Variants in MMEL1 observed in about 807,000 individuals in gnomAD.
The protein encoded by MMEL1 is membrane metalloendopeptidase like 1.
A neutral mutation model predicts 117.1 loss-of-function variants in MMEL1; 98 were observed. The ratio of observed to expected loss-of-function variants is 0.84; its 90% CI spans 0.71 to 0.99. The LOEUF is 0.99. Among genes scored for constraint, MMEL1 ranks in the 50% least tolerant of loss-of-function variants. MMEL1 has a pLI of 0.00. For synonymous variants in MMEL1, 390 were observed against 415.1 expected (o/e 0.94, Z 0.74); for missense variants, 1,014 against 1,049.1 (o/e 0.97, Z 0.46).
chr1:2,601,641 G>A (rs1324037645), intron 11 of MMEL1, among the ~76,000 whole-genome samples: 1 of 152,212 alleles, frequency 6.6e-6, no homozygotes, highest in African/African-American at 2.4e-5. Context: ...GCTGCCCAGT[G>A]GGGAGAACAT....
chr1:2,608,576 C>A (rs1645068866), intron 6 of MMEL1, among the ~76,000 whole-genome samples: 1 of 151,892 alleles, frequency 6.6e-6, no homozygotes, highest in African/African-American at 2.4e-5. Flanking sequence ...CACAAGTACA[C>A]ACAGCACATA....
rs1209158137 is a variant in MMEL1 at position 2,603,884 on chromosome 1, C to T, written c.1041G>A (p.Lys347=). Residue 347 remains lysine, a splice_region_variant and synonymous_variant, in exon 11 of 24, where the codon AAG becomes AAA. Transcript: ENST00000378412. The part of the protein sequence containing the change: ...LEELQSQFGL[K]GFNWTLFIQT... ...GGCCTCCTGTGTGGTGTGGCCTCAC[C>T]TTCAGGCCAAACTGGCTTTGCAGCT... 6.2e-7 allele frequency: 1 copy of T among 1,613,370 alleles called. No individual in the cohort carries two copies. Among genetic ancestry groups the T allele is most frequent in the East Asian group, 2.2e-5 (1 of 44,876 alleles).
At position 2,594,414 on chromosome 1, in the gene MMEL1, G is replaced by A. The variant is rs1276209480; in HGVS notation, c.1718C>T (p.Ala573Val). The A allele has an allele frequency of 1.3e-6, 2 of 1,551,702 alleles. No homozygotes were observed. Among genetic ancestry groups the A allele is most frequent in the Non-Finnish European group, 1.7e-6 (2 of 1,146,990 alleles). The change falls in exon 18 of 24, where the codon GCG (alanine) becomes GTG (valine). Residue 573 changes from alanine (A) to valine (V), a missense_variant. Ala to Val is a moderately conservative substitution (Grantham distance 64). Transcript: ENST00000378412. Reference protein sequence around the residue: ...LWIIGAAVVNAFYSPNRNQIV... With the variant: ...LWIIGAAVVNVFYSPNRNQIV... Reference sequence around the variant, plus strand: ...CTGGTTTCGGTTTGGGGAGTAGAACGCATTGACCACCGCCGCCCCGATGAT... The same window carrying A: ...CTGGTTTCGGTTTGGGGAGTAGAACACATTGACCACCGCCGCCCCGATGAT...
chr1:2,630,583 G>C (rs1417677837), intron 1 of MMEL1, among the ~76,000 whole-genome samples: 1 of 125,932 alleles, frequency 7.9e-6, no homozygotes, highest in Admixed American at 8.1e-5. Context: ...GAGTGAGTGT[G>C]CACGTGTGTG....
intron 7 of MMEL1, 29 bp from the exon 8 acceptor site, chr1:2,606,395 C>A (rs1380263241): frequency 6.3e-7 from 1 of 1,576,502 alleles, no homozygotes; most frequent in African/African-American, 1.3e-5. Flanking sequence ...GCACTGGAGA[C>A]TGGCGGGCCC....
Position 2,629,445 on chromosome 1 carries a change from C to G in MMEL1, c.40G>C (p.Ala14Pro), listed in dbSNP as rs1421142731. 6.5e-7 allele frequency: 1 copy of G among 1,540,248 alleles called. No individual in the cohort carries two copies. The highest frequency in any genetic ancestry group is 8.7e-7 in the Non-Finnish European group (1 of 1,143,684). ...GGGCGCTTCTGCCCTGCACGGCCGG[C>G]GCTCTCCACCATCCCCACTGGGCCT... is the stretch of plus-strand genomic sequence containing the variant. The part of the protein sequence containing the change: ...SEGPVGMVES[A>P]GRAGQKRPGF... Residue 14 changes from alanine to proline, a missense_variant, in exon 2 of 24, where the codon GCC (alanine) becomes CCC (proline). Coordinates refer to ENST00000378412, the MANE Select transcript of MMEL1 (RefSeq NM_033467.4).
At chr1:2,611,513 G>A (rs1645128593) in intron 3 of MMEL1, 173 bp from the exon 4 acceptor site, 1 of 515,886 alleles carries the variant, frequency 1.9e-6, no homozygotes, top group African/African-American at 2.0e-5. Flanking sequence ...GTAGGGCAAG[G>A]CCAGGGTAAC....
At chr1:2,606,869 T>G in intron 7 of MMEL1, 105 bp downstream of exon 7, 5 of 1,035,512 alleles carry the variant, frequency 4.8e-6, no homozygotes, top group Non-Finnish European at 7.3e-6. Flanking sequence ...AGCAGCCAGC[T>G]GGGGGTGGGG....
rs1254774413 is a variant in MMEL1, at chr1:2,594,457, G to A, written c.1689-14C>T. ...CCGATGATCCAGCTGTGATAGACAA[G>A]CCGGTCTCTGGGAGCCGCCTCTCCG... On this transcript the variant is annotated splice_polypyrimidine_tract_variant and intron_variant, in intron 17 of 23. Transcript: ENST00000378412. The A allele has an allele frequency of 1.3e-6, 2 of 1,551,206 alleles. No homozygotes were observed. The highest frequency in any genetic ancestry group is 2.7e-5 in the African/African-American group (2 of 73,058).
At chr1:2,623,862 C>T (rs1272034247) in intron 2 of MMEL1, among the ~76,000 whole-genome samples, 4 of 152,192 alleles carry the variant, frequency 2.6e-5, no homozygotes, top group Non-Finnish European at 5.9e-5. Context: ...TGTAACCCCT[C>T]TCACGCCCAG....
chr1:2,609,253 T>TGGGGTCCTGGGGCTGCGC (rs1420563416), intron 6 of MMEL1, 86 bp downstream of exon 6: 1 of 1,346,000 alleles, frequency 7.4e-7, no homozygotes, highest in Non-Finnish European at 1.0e-6. Flanking sequence ...GGGGCAGCCA[T>TGGGGTCCTGGGGCTGCGC]GGGGTCCTGG....
rs375912924 is a variant in MMEL1 at position 2,593,807 on chromosome 1, C to T, written c.1867+7G>A. 85 of 1,595,480 alleles carry T rather than the reference C, an allele frequency of 5.3e-5. No individual in the cohort carries two copies. Among genetic ancestry groups the T allele is most frequent in the African/African-American group, 1.6e-4 (12 of 74,310 alleles). Reference sequence around the variant, plus strand: ...GGGCGTGTGTGATTGGAGGGGCGGCCGCTCACCATTGTCGTCAAAGCCGTG... The same window carrying T: ...GGGCGTGTGTGATTGGAGGGGCGGCTGCTCACCATTGTCGTCAAAGCCGTG... On this transcript the variant is annotated splice_region_variant and intron_variant, in intron 19 of 23. Coordinates refer to ENST00000378412, the MANE Select transcript of MMEL1 (RefSeq NM_033467.4).
At chr1:2,619,545 C>T (rs1284915532) in intron 2 of MMEL1, among the ~76,000 whole-genome samples, 1 of 151,738 alleles carries the variant, frequency 6.6e-6, no homozygotes, top group Non-Finnish European at 1.5e-5. Flanking sequence ...GTAATCCCAG[C>T]TTCTCAGGAG....
At position 2,590,977 on chromosome 1, in the gene MMEL1, G is replaced by C. The variant is rs373302303; in HGVS notation, c.*13C>G. The C allele has an allele frequency of 7.0e-6, 11 of 1,560,896 alleles. No individual in the cohort carries two copies. Among genetic ancestry groups the C allele is most frequent in the African/African-American group, 1.4e-5 (1 of 73,492 alleles). On this transcript the variant is annotated 3_prime_UTR_variant, in exon 24 of 24. Coordinates refer to ENST00000378412, the MANE Select transcript of MMEL1 (RefSeq NM_033467.4). ...CGGGTGGGCGTGGGCCGCACAGCGC[G>C]GCAGGGCCTTGGCTACCACACGCGG... is the stretch of plus-strand genomic sequence containing the variant.
Position 2,595,291 on chromosome 1 carries a change from G to T in MMEL1, c.1569C>A (p.Asp523Glu). 1 of 1,613,712 alleles carries T rather than the reference G, an allele frequency of 6.2e-7. No homozygotes were observed. The highest frequency in any genetic ancestry group is 8.5e-7 in the Non-Finnish European group (1 of 1,179,972). ...GGGGGCGCACATTGGAGTACTCCTC[G>T]TCCAGGCGCCTGTTCATCTCCTCCA... ...YILEEMNRRL[D>E]EEYSNLNFSE... Residue 523 changes from aspartate (D) to glutamate (E), a missense_variant, in exon 16 of 24, where the codon GAC becomes GAA. Asp to Glu is a conservative substitution (Grantham distance 45, BLOSUM62 2). Transcript: ENST00000378412. The surrounding 1 kb of genome is among the most constrained non-coding windows in gnomAD (Gnocchi z 4.8).
At chr1:2,606,413 CCA>C in intron 7 of MMEL1, 47 bp from the exon 8 acceptor site, 2 of 1,462,426 alleles carry the variant, frequency 1.4e-6, no homozygotes, top group Non-Finnish European at 1.9e-6. Flanking sequence ...CCCTGGGGCC[CCA>C]GCCCGGCCCC....
At chr1:2,620,497 G>A (rs1178416294) in intron 2 of MMEL1, among the ~76,000 whole-genome samples, 1 of 152,148 alleles carries the variant, frequency 6.6e-6, no homozygotes, top group African/African-American at 2.4e-5. Context: ...CAAGATTCCC[G>A]GGTTTCACTG....
At chr1:2,592,764 C>G in intron 20 of MMEL1, 44 bp from the exon 21 acceptor site, 1 of 1,610,204 alleles carries the variant, frequency 6.2e-7, no homozygotes. Context: ...GCCCTGACTT[C>G]CCTCTCCCTC....
intron 17 of MMEL1, 26 bp from the exon 18 acceptor site, chr1:2,594,469 G>A: frequency 1.3e-6 from 2 of 1,551,308 alleles, no homozygotes; most frequent in African/African-American, 1.4e-5. Context: ...CGGTCTCTGG[G>A]AGCCGCCTCT....
Sources: gnomAD v4.1 joint callset for allele counts (sites outside exome capture counted in the v4.1 genomes callset) on GRCh38, gnomAD v4.1.1 for gene constraint, Gnocchi (gnomAD v3.1) non-coding constraint, MANE v1.5 for transcripts, NCBI Gene and HGNC (gene_info 2026-07-23, HGNC 2026-07-21) for gene names.